RAB27A: variants seen among roughly 807,000 people sequenced by gnomAD.
The protein encoded by RAB27A is ras-related protein Rab-27A.
Under a neutral mutation model 20.8 loss-of-function variants are expected in RAB27A, and 17 were observed. That is an observed-to-expected ratio of 0.82 (90% CI 0.56 to 1.23). The LOEUF (loss-of-function observed/expected upper bound fraction) is 1.23. Ranked by LOEUF, RAB27A falls within the 50% of genes most tolerant of loss-of-function variation. The pLI, the probability that RAB27A is intolerant of heterozygous loss-of-function variation, is 0.00. For missense variants in RAB27A, 277 were observed against 266.7 expected (o/e 1.04, Z -0.27); for synonymous variants, 85 against 92.8 (o/e 0.92, Z 0.48).
chr15:55,286,118 T>C (rs1898145581), intron 1 of RAB27A, among the ~76,000 whole-genome samples: 1 of 152,172 alleles, frequency 6.6e-6, no homozygotes, highest in Non-Finnish European at 1.5e-5. Flanking sequence ...TCTACAGACA[T>C]ACCATCCTGG....
intron 2 of RAB27A, among the ~76,000 whole-genome samples, chr15:55,262,641 G>GTT (rs112757960): frequency 0.082 from 11,747 of 142,792 alleles, 902 homozygotes; most frequent in African/African-American, 0.2. Context: ...CTTTTTTTTT[G>GTT]TTTTTTTTTG....
chr15:55,220,582 T>C (rs976278928), intron 6 of RAB27A, among the ~76,000 whole-genome samples: 6 of 152,164 alleles, frequency 3.9e-5, no homozygotes, highest in African/African-American at 1.4e-4. Flanking sequence ...CAGTGATCTG[T>C]TTTTATGAAT....
chr15:55,217,255 T>C (rs1319499106), intron 6 of RAB27A, among the ~76,000 whole-genome samples: 2 of 152,116 alleles, frequency 1.3e-5, no homozygotes, highest in African/African-American at 2.4e-5. Flanking sequence ...AATAAGTGAA[T>C]AGAGTTCACT....
intron 1 of RAB27A, among the ~76,000 whole-genome samples, chr15:55,275,750 GA>G (rs992516743): frequency 6.7e-6 from 1 of 150,010 alleles, no homozygotes; most frequent in Non-Finnish European, 1.5e-5. Flanking sequence ...ACCCCCAAAA[GA>G]AAAAAAAATT....
In RAB27A at chr15:55,253,055, C is replaced by T. The variant is rs180734694; in HGVS notation, c.-23+17110G>A. Among the ~76,000 whole-genome samples, 3 of 151,964 alleles carry T rather than the reference C, an allele frequency of 2.0e-5. No homozygotes were observed. The East Asian group carries it at 5.8e-4, about 30-fold the overall frequency. On this transcript the variant is annotated intron_variant, in intron 2 of 6. Transcript: ENST00000336787. ...GCTGAGGCAGTAGAATCACTTGAAC[C>T]CAGGAGGCGGAGGTTGCAGTGAGCC...
chr15:55,316,575 T>C (rs572480394), intron 1 of RAB27A, among the ~76,000 whole-genome samples: 2 of 147,106 alleles, frequency 1.4e-5, no homozygotes, highest in African/African-American at 2.5e-5. Context: ...AGCACATGTA[T>C]CCCAGAACTT....
chr15:55,303,944 C>T (rs1389342576), intron 2 of RAB27A, among the ~76,000 whole-genome samples: 1 of 149,106 alleles, frequency 6.7e-6, no homozygotes, highest in Non-Finnish European at 1.5e-5. Flanking sequence ...GCCCGGCCAC[C>T]ACCCTGTCTG....
At chr15:55,291,886 T>A (rs1368427314), upstream of RAB27A, among the ~76,000 whole-genome samples, 1 of 152,092 alleles carries the variant, frequency 6.6e-6, no homozygotes, top group East Asian at 1.9e-4. Context: ...AGTAGTGAGA[T>A]AAGAGCCTCA....
At chr15:55,264,006 GTCTC>G (rs1281939376) in intron 2 of RAB27A, among the ~76,000 whole-genome samples, 1 of 152,174 alleles carries the variant, frequency 6.6e-6, no homozygotes, top group East Asian at 1.9e-4. Flanking sequence ...ACTCCAAAGA[GTCTC>G]TCAACTATAG....
chr15:55,218,902 C>G (rs1895437170), intron 6 of RAB27A, among the ~76,000 whole-genome samples: 1 of 152,008 alleles, frequency 6.6e-6, no homozygotes, highest in Non-Finnish European at 1.5e-5. Flanking sequence ...ACCATCATAC[C>G]CAGGTAATTT....
At chr15:55,279,834 T>C (rs187250605) in intron 1 of RAB27A, among the ~76,000 whole-genome samples, 1 of 152,286 alleles carries the variant, frequency 6.6e-6, no homozygotes, top group African/African-American at 2.4e-5. Context: ...GGCCTCAATG[T>C]TAATGACTCA....
At chr15:55,307,669 G>A (rs1401734669) in intron 2 of RAB27A, among the ~76,000 whole-genome samples, 1 of 151,296 alleles carries the variant, frequency 6.6e-6, no homozygotes, top group Non-Finnish European at 1.5e-5. Context: ...TGCCCAACCA[G>A]TGAAAGTATC....
intron 2 of RAB27A, among the ~76,000 whole-genome samples, chr15:55,304,520 T>C (rs1285558633): frequency 2.0e-5 from 3 of 151,814 alleles, no homozygotes; most frequent in Non-Finnish European, 4.4e-5. Context: ...TCATTCTCCA[T>C]CCCCCCTTCA....
intron 2 of RAB27A, among the ~76,000 whole-genome samples, chr15:55,303,183 C>T (rs1414235823): frequency 5.2e-5 from 5 of 97,066 alleles, no homozygotes; most frequent in Admixed American, 9.0e-5. Context: ...AGGTGAGGGG[C>T]GCCTCTGCCC....
chr15:55,228,529 C>T, intron 5 of RAB27A, 80 bp downstream of exon 5: 1 of 1,107,476 alleles, frequency 9.0e-7, no homozygotes, highest in South Asian at 1.3e-5. Flanking sequence ...AACGATTTGT[C>T]ACAGAAGTAG....
chr15:55,301,509 C>A (rs1290950099), intron 2 of RAB27A, among the ~76,000 whole-genome samples: 2 of 144,488 alleles, frequency 1.4e-5, no homozygotes, highest in Admixed American at 7.0e-5. Context: ...GTCTTTATGA[C>A]AGCTTTGAGA....
intron 2 of RAB27A, among the ~76,000 whole-genome samples, chr15:55,258,487 A>C (rs1595724397): frequency 6.6e-6 from 1 of 152,212 alleles, no homozygotes; most frequent in East Asian, 1.9e-4. Flanking sequence ...AGGGTTCAAC[A>C]TCTCAACACA....
intron 6 of RAB27A, among the ~76,000 whole-genome samples, chr15:55,223,553 A>C (rs542048132): frequency 3.9e-5 from 6 of 152,046 alleles, no homozygotes; most frequent in African/African-American, 1.4e-4. Flanking sequence ...TTCCTCGCTC[A>C]ACATGGAGGA....
chr15:55,291,303 G>A (rs1185024330), upstream of RAB27A, among the ~76,000 whole-genome samples: 1 of 152,102 alleles, frequency 6.6e-6, no homozygotes, highest in Non-Finnish European at 1.5e-5. Flanking sequence ...GAAGTCAGGA[G>A]ATCGAGACCA....
Sources: allele counts gnomAD v4.1 joint callset (sites outside exome capture counted in the v4.1 genomes callset), GRCh38; gene constraint gnomAD v4.1.1; transcripts MANE v1.5; gene names NCBI Gene and HGNC (gene_info 2026-07-23, HGNC 2026-07-21).